CDC42BPA: variants seen among roughly 807,000 people sequenced by gnomAD.
CDC42BPA encodes serine/threonine-protein kinase MRCK alpha.
Under a neutral mutation model 223.5 loss-of-function variants are expected in CDC42BPA, and 80 were observed. That is an observed-to-expected ratio of 0.36 (90% confidence interval 0.30 to 0.43). The LOEUF (loss-of-function observed/expected upper bound fraction) is 0.43. Ranked by LOEUF, CDC42BPA falls within the 20% of genes least tolerant of loss-of-function variation. The pLI is 1.00. For synonymous variants in CDC42BPA, 694 were observed against 718.6 expected (o/e 0.97, Z 0.55); for missense variants, 1,743 against 2,099.9 (o/e 0.83, Z 3.32).
chr1:227,303,685 ACTG>A (rs1482361829), intron 1 of CDC42BPA, among the ~76,000 whole-genome samples: 1 of 152,166 alleles, frequency 6.6e-6, no homozygotes, highest in African/African-American at 2.4e-5. Context: ...AGCTTTCACC[ACTG>A]CTAATTTGGA....
At chr1:227,095,935 C>T (rs1683910279) in intron 15 of CDC42BPA, among the ~76,000 whole-genome samples, 1 of 152,076 alleles carries the variant, frequency 6.6e-6, no homozygotes, top group African/African-American at 2.4e-5. Context: ...GACAAACAGG[C>T]ATATATCTAC....
At chr1:227,139,256 AAAT>A (rs1176065661) in intron 10 of CDC42BPA, among the ~76,000 whole-genome samples, 2 of 152,152 alleles carry the variant, frequency 1.3e-5, no homozygotes, top group Non-Finnish European at 2.9e-5. Context: ...AAGATTGAGC[AAAT>A]AATATAGGAA....
At chr1:227,235,252 G>C (rs1333818085) in intron 2 of CDC42BPA, 30 of 152,168 alleles carry the variant, frequency 2.0e-4, no homozygotes, top group Admixed American at 2.0e-3. Flanking sequence ...AAACTGACTA[G>C]GGTGACAATG....
At chr1:227,046,376 A>T (rs1423719977) in intron 23 of CDC42BPA, among the ~76,000 whole-genome samples, 3 of 152,118 alleles carry the variant, frequency 2.0e-5, no homozygotes, top group Non-Finnish European at 4.4e-5. Flanking sequence ...AGGAGGCTAC[A>T]GTCCCAAGAG....
intron 1 of CDC42BPA, among the ~76,000 whole-genome samples, chr1:227,274,516 G>C (rs997755072): frequency 6.6e-6 from 1 of 152,156 alleles, no homozygotes; most frequent in Admixed American, 6.5e-5. Context: ...CTAAAAGACA[G>C]TGAGAACATA....
intron 2 of CDC42BPA, among the ~76,000 whole-genome samples, chr1:227,241,155 A>G (rs896565783): frequency 5.9e-5 from 9 of 152,134 alleles, no homozygotes; most frequent in African/African-American, 1.9e-4. Context: ...AATGAAAATT[A>G]AGACCACAGA....
At chr1:227,099,136 T>C (rs1684529583) in intron 15 of CDC42BPA, among the ~76,000 whole-genome samples, 1 of 152,144 alleles carries the variant, frequency 6.6e-6, no homozygotes, top group African/African-American at 2.4e-5. Context: ...GTATAGCACA[T>C]ACAATTATGT....
chr1:227,001,897 ACT>A, intron 35 of CDC42BPA, among the ~76,000 whole-genome samples: 1 of 148,710 alleles, frequency 6.7e-6, no homozygotes. Context: ...ACAGAGTGAG[ACT>A]CTGTCTCAAA....
chr1:227,193,962 C>T, intron 4 of CDC42BPA, 28 bp from the exon 5 acceptor site: 3 of 1,551,396 alleles, frequency 1.9e-6, no homozygotes, highest in Middle Eastern at 3.5e-4. Context: ...AAAATGTACT[C>T]AGTAAACTAA....
intron 1 of CDC42BPA, among the ~76,000 whole-genome samples, chr1:227,297,749 A>G (rs948949932): frequency 1.3e-5 from 2 of 151,992 alleles, no homozygotes; most frequent in Admixed American, 6.6e-5. Context: ...TCAGAGAGAC[A>G]GAAAGTAGAT....
At position 227,163,049 on chromosome 1, in the gene CDC42BPA, T is replaced by C. The variant is rs1430230599; in HGVS notation, c.600-2413A>G. ...CCAAACATATGTGTTTCCAAACATATGTGTATGTTTCCAAACATAAATGTG... is the reference window on the plus strand; with the variant it reads ...CCAAACATATGTGTTTCCAAACATACGTGTATGTTTCCAAACATAAATGTG... On this transcript the variant is annotated intron_variant, in intron 5 of 36. Transcript: ENST00000366766. Among the ~76,000 whole-genome samples the C allele has an allele frequency of 2.7e-5, 3 of 109,204 alleles. No individual in the cohort carries two copies. In the South Asian group the frequency reaches 1.0e-3, roughly 36 times the overall value. 71.6% of individuals were successfully genotyped at this position (109,204 alleles called of 152,430 possible).
At chr1:227,232,592 T>A (rs1337391358) in intron 2 of CDC42BPA, among the ~76,000 whole-genome samples, 2 of 152,212 alleles carry the variant, frequency 1.3e-5, no homozygotes, top group Non-Finnish European at 2.9e-5. Flanking sequence ...GATGGGGTTT[T>A]GGTGTGGATG....
chr1:227,211,047 T>G (rs1203729492), intron 3 of CDC42BPA, among the ~76,000 whole-genome samples: 1 of 152,190 alleles, frequency 6.6e-6, no homozygotes, highest in Non-Finnish European at 1.5e-5. Flanking sequence ...TAGGGATTTC[T>G]CAAAAGAAAT....
intron 2 of CDC42BPA, among the ~76,000 whole-genome samples, chr1:227,250,357 G>A (rs1681755583): frequency 6.6e-6 from 1 of 151,972 alleles, no homozygotes; most frequent in Non-Finnish European, 1.5e-5. Context: ...GCATGGTAGT[G>A]GGCACTTGTA....
chr1:227,070,938 G>A (rs889363325), intron 20 of CDC42BPA, among the ~76,000 whole-genome samples: 4 of 151,704 alleles, frequency 2.6e-5, no homozygotes, highest in African/African-American at 9.7e-5. Context: ...TCTCCTATTT[G>A]CCATTAGGGC....
intron 16 of CDC42BPA, among the ~76,000 whole-genome samples, chr1:227,085,828 C>T (rs984763037): frequency 6.6e-6 from 1 of 152,118 alleles, no homozygotes; most frequent in African/African-American, 2.4e-5. Flanking sequence ...TTTTTTCACA[C>T]TTTTACTGAG....
chr1:227,059,311 A>G, intron 21 of CDC42BPA: 1 of 1,390,704 alleles, frequency 7.2e-7, no homozygotes, highest in Non-Finnish European at 1.0e-6. Flanking sequence ...AATCACAGGC[A>G]AAAGGATGAG....
At chr1:227,081,657 T>C (rs1487786209) in intron 16 of CDC42BPA, among the ~76,000 whole-genome samples, 1 of 152,112 alleles carries the variant, frequency 6.6e-6, no homozygotes, top group Non-Finnish European at 1.5e-5. Flanking sequence ...TTTCACCATG[T>C]TGGTCAGGCT....
At chr1:227,012,260 C>A (rs1252511749) in intron 34 of CDC42BPA, among the ~76,000 whole-genome samples, 1 of 152,112 alleles carries the variant, frequency 6.6e-6, no homozygotes, top group African/African-American at 2.4e-5. Flanking sequence ...ATTATTCTTG[C>A]ATCCAAATTA....
Sources: gnomAD v4.1 joint callset for allele counts (sites outside exome capture counted in the v4.1 genomes callset) on GRCh38, gnomAD v4.1.1 for gene constraint, MANE v1.5 for transcripts, NCBI Gene and HGNC (gene_info 2026-07-23, HGNC 2026-07-21) for gene names.